TENM2: variants seen among roughly 807,000 people sequenced by gnomAD.
TENM2 encodes teneurin-2.
Under a neutral mutation model 245.2 loss-of-function variants are expected in TENM2, and 52 were observed. The ratio of observed to expected loss-of-function variants is 0.21; its 90% confidence interval spans 0.17 to 0.27. The LOEUF (loss-of-function observed/expected upper bound fraction) is 0.27. Among genes scored for constraint, TENM2 ranks in the 10% least tolerant of loss-of-function variants. The pLI is 1.00. For missense variants in TENM2, 3,046 were observed against 3,666.8 expected (o/e 0.83, Z 4.37); for synonymous variants, 1,363 against 1,438.9 (o/e 0.95, Z 1.19).
chr5:167,064,204 A>T, the TENM2 span, among the ~76,000 whole-genome samples: 1 of 152,316 alleles, frequency 6.6e-6, no homozygotes, highest in African/African-American at 2.4e-5. Flanking sequence ...GGTGGAGTGG[A>T]TATTTTCCGC....
At chr5:167,540,316 G>A (rs944451940) in intron 2 of TENM2, among the ~76,000 whole-genome samples, 2 of 152,124 alleles carry the variant, frequency 1.3e-5, no homozygotes, top group Non-Finnish European at 2.9e-5. Flanking sequence ...TACCATAGGG[G>A]ATCAAAATCC....
At chr5:167,237,319 C>A in the TENM2 span, among the ~76,000 whole-genome samples, 1 of 152,136 alleles carries the variant, frequency 6.6e-6, no homozygotes, top group African/African-American at 2.4e-5. Flanking sequence ...TTGGAATATT[C>A]ATATTTCATC....
exon 27 of TENM2, chr5:168,248,206 G>T (rs577093987): frequency 6.2e-7 from 1 of 1,614,004 alleles, no homozygotes; most frequent in Admixed American, 1.7e-5. Flanking sequence ...GACCAAGCTG[G>T]TCCACTTCAC....
At chr5:168,172,755 T>C (rs1758962804) in intron 13 of TENM2, among the ~76,000 whole-genome samples, 1 of 152,204 alleles carries the variant, frequency 6.6e-6, no homozygotes, top group Non-Finnish European at 1.5e-5. Flanking sequence ...ACAAAGCACT[T>C]AGGCACTGAA....
chr5:167,640,776 T>C (rs1779501732), intron 2 of TENM2, among the ~76,000 whole-genome samples: 1 of 145,686 alleles, frequency 6.9e-6, no homozygotes, highest in African/African-American at 2.5e-5. Flanking sequence ...ATTCCATAGA[T>C]ATCACATAAG....
chr5:167,728,510 A>AGGCG (rs1760190557), intron 2 of TENM2, among the ~76,000 whole-genome samples: 1 of 130,536 alleles, frequency 7.7e-6, no homozygotes, highest in East Asian at 2.6e-4. Context: ...CTCAGGAGGC[A>AGGCG]GGAGGATTAC....
chr5:168,126,930 T>C (rs1333083309), exon 12 of TENM2: 1 of 1,608,690 alleles, frequency 6.2e-7, no homozygotes. Context: ...TGGTGAACAC[T>C]GCACCATTGG....
intron 15 of TENM2, among the ~76,000 whole-genome samples, 172 bp from the exon 18 acceptor site, chr5:168,198,681 A>C (rs531469694): frequency 2.8e-4 from 42 of 152,242 alleles, no homozygotes; most frequent in African/African-American, 9.4e-4. Context: ...GCCCATTGCC[A>C]CTCAGCTAGT....
intron 1 of TENM2, among the ~76,000 whole-genome samples, chr5:167,313,994 T>C (rs1756199591): frequency 6.6e-6 from 1 of 152,156 alleles, no homozygotes; most frequent in Non-Finnish European, 1.5e-5. Flanking sequence ...CAAGACCCTC[T>C]ACCGGATTAT....
At chr5:166,990,950 G>A in the TENM2 span, among the ~76,000 whole-genome samples, 2 of 152,206 alleles carry the variant, frequency 1.3e-5, no homozygotes, top group East Asian at 3.9e-4. Context: ...GGCTCATCAT[G>A]TTGAGTGTGA....
At chr5:167,111,342 T>C in the TENM2 span, among the ~76,000 whole-genome samples, 1 of 152,212 alleles carries the variant, frequency 6.6e-6, no homozygotes, top group Non-Finnish European at 1.5e-5. Context: ...AGCTTTAGTC[T>C]GTACCTGTAA....
chr5:168,214,926 T>C (rs1562289328), intron 20 of TENM2, 114 bp from the exon 23 acceptor site: 2 of 819,398 alleles, frequency 2.4e-6, no homozygotes, highest in Non-Finnish European at 4.2e-6. Context: ...TTCACTAAAG[T>C]GGAAAGACAC....
intron 2 of TENM2, among the ~76,000 whole-genome samples, chr5:167,839,232 T>C (rs1467789160): frequency 2.0e-5 from 3 of 152,116 alleles, no homozygotes; most frequent in African/African-American, 7.2e-5. Context: ...TTCATGAGAA[T>C]AGAAAGGAAA....
At chr5:167,193,654 A>T in the TENM2 span, among the ~76,000 whole-genome samples, 1 of 152,146 alleles carries the variant, frequency 6.6e-6, no homozygotes, top group South Asian at 2.1e-4. Context: ...CTATCACTTG[A>T]GCCTATTACT....
chr5:167,084,366 T>TATATACACAC, the TENM2 span, among the ~76,000 whole-genome samples: 1 of 114,898 alleles, frequency 8.7e-6, no homozygotes, highest in Non-Finnish European at 1.9e-5. Context: ...TATATATATA[T>TATATACACAC]ACAGATCAGA....
chr5:167,505,221 G>T (rs1438372578), intron 2 of TENM2, among the ~76,000 whole-genome samples: 1 of 152,104 alleles, frequency 6.6e-6, no homozygotes, highest in East Asian at 1.9e-4. Flanking sequence ...TCAAACCGAT[G>T]TTATCATTTT....
At chr5:168,191,993 A>G (rs1456135434) in intron 14 of TENM2, among the ~76,000 whole-genome samples, 3 of 152,184 alleles carry the variant, frequency 2.0e-5, no homozygotes, top group African/African-American at 7.2e-5. Context: ...CGTTTTTACT[A>G]AAAATAAAAT....
At chr5:167,124,590 G>T in the TENM2 span, among the ~76,000 whole-genome samples, 1 of 151,902 alleles carries the variant, frequency 6.6e-6, no homozygotes, top group South Asian at 2.1e-4. Flanking sequence ...TACACTATTC[G>T]CTCTTTCCTT....
At chr5:167,470,830 G>C (rs1290114230) in intron 2 of TENM2, among the ~76,000 whole-genome samples, 1 of 152,046 alleles carries the variant, frequency 6.6e-6, no homozygotes, top group Non-Finnish European at 1.5e-5. Context: ...TCCAGAAACT[G>C]TTCATTCTTT....
Sources: allele counts gnomAD v4.1 joint callset (sites outside exome capture counted in the v4.1 genomes callset), GRCh38; gene constraint gnomAD v4.1.1; transcripts MANE v1.5; gene names NCBI Gene and HGNC (gene_info 2026-07-23, HGNC 2026-07-21).